The following IL1RAPL1 variants were observed in gnomAD, a reference collection of about 807,000 sequenced individuals.
The protein encoded by IL1RAPL1 is interleukin-1 receptor accessory protein-like 1.
A neutral mutation model predicts 48.4 loss-of-function variants in IL1RAPL1; 3 were observed. The observed-to-expected ratio is 0.06, with a 90% confidence interval of 0.03 to 0.16. The LOEUF (loss-of-function observed/expected upper bound fraction) is 0.16, where lower values mean the gene tolerates loss of function less well. Ranked by LOEUF, IL1RAPL1 falls within the 10% of genes least tolerant of loss-of-function variation. The pLI is 1.00. For synonymous variants in IL1RAPL1, 185 were observed against 187.7 expected, an observed-to-expected ratio of 0.99 and a Z score of 0.12; for missense variants, 349 against 530.6, an observed-to-expected ratio of 0.66 and a Z score of 3.36.
chrX:29,803,464 TATATATGTATAC>T (rs1352124264), intron 6 of IL1RAPL1, among the ~76,000 whole-genome samples: 24 of 98,543 alleles, frequency 2.4e-4, no homozygotes, highest in South Asian at 2.3e-3. Flanking sequence ...TGTATATATG[TATATATGTATAC>T]ATATATGTAT....
At chrX:28,611,984 A>G (rs768160287) in intron 1 of IL1RAPL1, among the ~76,000 whole-genome samples, 1 of 112,342 alleles carries the variant, frequency 8.9e-6, no homozygotes, top group African/African-American at 3.2e-5. Context: ...AGCCATGGCC[A>G]TTCATTTAGG....
chrX:29,305,268 A>G (rs746387009), intron 3 of IL1RAPL1, among the ~76,000 whole-genome samples: 20 of 112,338 alleles, frequency 1.8e-4, no homozygotes, highest in Non-Finnish European at 3.4e-4. Flanking sequence ...GTGTGTGGAG[A>G]CATAGAACAT....
At chrX:29,326,989 A>G (rs1221410444) in intron 3 of IL1RAPL1, among the ~76,000 whole-genome samples, 1 of 112,141 alleles carries the variant, frequency 8.9e-6, no homozygotes, top group Admixed American at 9.5e-5. Context: ...GGTTGTATGT[A>G]ATCTGAATTG....
chrX:28,833,183 A>G (rs1330390496), intron 2 of IL1RAPL1, among the ~76,000 whole-genome samples: 1 of 111,512 alleles, frequency 9.0e-6, no homozygotes, highest in Non-Finnish European at 1.9e-5. Context: ...ATAGTATTCC[A>G]TGGTGTATAG....
chrX:29,129,849 C>T (rs763545647), intron 2 of IL1RAPL1, among the ~76,000 whole-genome samples: 1 of 110,922 alleles, frequency 9.0e-6, no homozygotes, highest in East Asian at 2.8e-4. Context: ...CCGCCTCGGC[C>T]TCCCAAAGTG....
At chrX:29,582,808 G>C (rs1353477181) in intron 5 of IL1RAPL1, among the ~76,000 whole-genome samples, 1 of 61,800 alleles carries the variant, frequency 1.6e-5, no homozygotes, top group Non-Finnish European at 3.0e-5. Context: ...GGACATTTGG[G>C]TTGGTTCCAA....
At chrX:29,364,992 A>G (rs34633765) in intron 3 of IL1RAPL1, among the ~76,000 whole-genome samples, 1 of 112,351 alleles carries the variant, frequency 8.9e-6, no homozygotes, top group South Asian at 3.7e-4. Context: ...GCAAAATTAT[A>G]CAATCTACGT....
intron 2 of IL1RAPL1, among the ~76,000 whole-genome samples, chrX:29,145,803 A>C (rs985751492): frequency 4.5e-5 from 5 of 111,592 alleles, no homozygotes; most frequent in African/African-American, 1.6e-4. Flanking sequence ...CTTGACTCAT[A>C]TCTCTCTCAC....
chrX:28,664,607 G>T, intron 1 of IL1RAPL1, among the ~76,000 whole-genome samples: 1 of 111,678 alleles, frequency 9.0e-6, no homozygotes, highest in African/African-American at 3.3e-5. Context: ...TATGATCAAT[G>T]GTTCTTTGTG....
chrX:29,183,360 A>C (rs1418419805), intron 2 of IL1RAPL1, among the ~76,000 whole-genome samples: 2 of 111,549 alleles, frequency 1.8e-5, no homozygotes, highest in Non-Finnish European at 3.8e-5. Flanking sequence ...GCATCCCTCC[A>C]ATCCAGCCCC....
chrX:29,147,197 C>T (rs1929368537), intron 2 of IL1RAPL1, among the ~76,000 whole-genome samples: 1 of 111,979 alleles, frequency 8.9e-6, no homozygotes, highest in East Asian at 2.8e-4. Context: ...CTTTCATTTT[C>T]TTCTGAATCA....
At chrX:29,079,886 T>C (rs749189872) in intron 2 of IL1RAPL1, among the ~76,000 whole-genome samples, 1 of 110,987 alleles carries the variant, frequency 9.0e-6, no homozygotes, top group African/African-American at 3.3e-5. Context: ...AGTAAAGACA[T>C]ACAAATAAAT....
At chrX:29,358,960 G>A (rs1933340776) in intron 3 of IL1RAPL1, among the ~76,000 whole-genome samples, 1 of 109,359 alleles carries the variant, frequency 9.1e-6, no homozygotes, top group South Asian at 4.0e-4. Context: ...GGCAGAGGTT[G>A]CAGTGAGCCG....
At chrX:28,941,799 A>G (rs778081834) in intron 2 of IL1RAPL1, among the ~76,000 whole-genome samples, 1 of 110,585 alleles carries the variant, frequency 9.0e-6, no homozygotes, top group Non-Finnish European at 1.9e-5. Context: ...CTTCAGGGAA[A>G]TACTTGTTTT....
chrX:29,126,033 A>C (rs907562323), intron 2 of IL1RAPL1, among the ~76,000 whole-genome samples: 15 of 110,407 alleles, frequency 1.4e-4, no homozygotes, highest in African/African-American at 4.9e-4. Context: ...GGAAGAATTA[A>C]AGGGTATAAT....
intron 2 of IL1RAPL1, among the ~76,000 whole-genome samples, chrX:29,195,342 A>T (rs1471109844): frequency 1.8e-5 from 2 of 110,994 alleles, no homozygotes; most frequent in East Asian, 5.7e-4. Context: ...GGAGGCATAG[A>T]TAAAGTGCTA....
intron 1 of IL1RAPL1, among the ~76,000 whole-genome samples, chrX:28,753,254 A>G (rs1936064623): frequency 8.9e-6 from 1 of 112,310 alleles, no homozygotes; most frequent in Non-Finnish European, 1.9e-5. Context: ...TACTATGGAT[A>G]TTATGTAAAG....
chrX:29,399,117 AC>A, intron 4 of IL1RAPL1, 37 bp from the exon 5 acceptor site: 1 of 1,075,397 alleles, frequency 9.3e-7, no homozygotes, highest in Non-Finnish European at 1.3e-6. Context: ...TTTTTCCATT[AC>A]TATATGTACT....
intron 2 of IL1RAPL1, among the ~76,000 whole-genome samples, chrX:29,258,297 A>G (rs1931790801): frequency 8.9e-6 from 1 of 111,942 alleles, no homozygotes; most frequent in Non-Finnish European, 1.9e-5. Context: ...AAAATATTGA[A>G]TAACAATGTG....
Sources: allele counts gnomAD v4.1 joint callset (sites outside exome capture counted in the v4.1 genomes callset), GRCh38; gene constraint gnomAD v4.1.1; transcripts MANE v1.5; gene names NCBI Gene and HGNC (gene_info 2026-07-23, HGNC 2026-07-21).